The following NSRP1 variants were observed in gnomAD, a reference collection of about 807,000 sequenced individuals.
NSRP1 encodes coiled-coil domain containing 55.
Under a neutral mutation model 54.7 loss-of-function variants are expected in NSRP1, and 24 were observed. The ratio of observed to expected loss-of-function variants is 0.44; its 90% CI spans 0.32 to 0.62. The LOEUF is 0.62. NSRP1 is among the 20% of genes least tolerant of loss of function. The pLI is 0.06. For missense variants in NSRP1, 596 were observed against 651.2 expected, an observed-to-expected ratio of 0.92 and a Z score of 0.92; for synonymous variants, 210 against 213.8, an observed-to-expected ratio of 0.98 and a Z score of 0.15.
chr17:30,119,510 C>T (rs1055421019), intron 2 of NSRP1, among the ~76,000 whole-genome samples: 4 of 151,998 alleles, frequency 2.6e-5, no homozygotes, highest in African/African-American at 7.2e-5. Flanking sequence ...CATGCCCAGC[C>T]TCTTTTTTTT....
At chr17:30,162,864 A>G (rs1417820788) in intron 2 of NSRP1, among the ~76,000 whole-genome samples, 2 of 151,994 alleles carry the variant, frequency 1.3e-5, no homozygotes, top group Non-Finnish European at 2.9e-5. Context: ...GTGAAGGAGT[A>G]CCAATAATAC....
chr17:30,175,663 C>T (rs541364305), intron 3 of NSRP1, among the ~76,000 whole-genome samples: 3 of 152,212 alleles, frequency 2.0e-5, no homozygotes, highest in East Asian at 1.9e-4. Flanking sequence ...TCTTCGCCCC[C>T]CAAAGTGTTG....
chr17:30,121,750 A>G (rs1031532401), intron 2 of NSRP1, among the ~76,000 whole-genome samples: 3 of 151,910 alleles, frequency 2.0e-5, no homozygotes, highest in South Asian at 2.1e-4. Flanking sequence ...TTGTATTTTT[A>G]GTAGAGACGG....
chr17:30,124,746 C>T (rs532779831), intron 2 of NSRP1, among the ~76,000 whole-genome samples: 3 of 152,246 alleles, frequency 2.0e-5, no homozygotes, highest in African/African-American at 7.2e-5. Flanking sequence ...TCCTACCTTC[C>T]GGTCAAAGCC....
chr17:30,132,304 G>C (rs954509427), intron 2 of NSRP1, among the ~76,000 whole-genome samples: 1 of 145,692 alleles, frequency 6.9e-6, no homozygotes, highest in African/African-American at 2.6e-5. Context: ...TATAATCCCA[G>C]CACTTTGGGA....
At chr17:30,161,406 T>C (rs991969148) in intron 2 of NSRP1, among the ~76,000 whole-genome samples, 1 of 152,126 alleles carries the variant, frequency 6.6e-6, no homozygotes, top group Non-Finnish European at 1.5e-5. Context: ...AGCACTATTA[T>C]ATATACTGTT....
intron 3 of NSRP1, among the ~76,000 whole-genome samples, chr17:30,173,227 G>A (rs560131204): frequency 3.0e-4 from 45 of 152,362 alleles, no homozygotes; most frequent in Admixed American, 8.5e-4. Flanking sequence ...GCCTCCTGAA[G>A]TGCTGGGATT....
chr17:30,173,388 C>T (rs143343319), intron 3 of NSRP1, among the ~76,000 whole-genome samples: 1,537 of 152,286 alleles, frequency 0.01, 12 homozygotes, highest in Non-Finnish European at 0.016. Context: ...ATAAAGTGCT[C>T]CTTAAGATCA....
chr17:30,184,814 A>G lies in NSRP1; in HGVS notation c.817A>G (p.Ile273Val). The change falls in exon 7 of 7, where the codon ATA becomes GTA. Residue 273 changes from isoleucine (I) to valine (V), a missense_variant. By Grantham distance (29) the Ile-to-Val change is conservative. Coordinates refer to ENST00000247026, the MANE Select transcript of NSRP1 (RefSeq NM_032141.4). Reference sequence around the variant, plus strand: ...AGTGAACTGCAGAAGGGAAAAGGTCATAGAGACCCCTGAGAATGACTTCAA... The same window carrying G: ...AGTGAACTGCAGAAGGGAAAAGGTCGTAGAGACCCCTGAGAATGACTTCAA... The part of the protein sequence containing the change: ...TRVNCRREKV[I>V]ETPENDFKHH... 1 of 1,614,100 alleles carries G rather than the reference A, an allele frequency of 6.2e-7. No individual in the cohort carries two copies. The highest frequency in any genetic ancestry group is 1.3e-5 in the African/African-American group (1 of 75,044).
chr17:30,159,662 GTTTA>G (rs1211067130), intron 2 of NSRP1, among the ~76,000 whole-genome samples: 2 of 151,760 alleles, frequency 1.3e-5, no homozygotes, highest in African/African-American at 2.4e-5. Context: ...TTATTTATTT[GTTTA>G]TTTATTTTTT....
chr17:30,180,890 T>G lies in NSRP1; in HGVS notation c.509-18T>G. 6.7e-7 allele frequency: 1 copy of G among 1,481,830 alleles called. No individual in the cohort carries two copies. The highest frequency in any genetic ancestry group is 1.1e-5 in the South Asian group (1 of 88,176). The allele number at this position is 1,481,830 out of a possible 1,614,324, so 91.8% of individuals were successfully genotyped here. ...TGCCTTATTGAATATATTCTAATTT[T>G]TGCTTTCCCTCTGTTAGCATGTTTG... On this transcript the variant is annotated intron_variant, in intron 5 of 6. Coordinates refer to ENST00000247026, the MANE Select transcript of NSRP1 (RefSeq NM_032141.4).
At chr17:30,144,704 C>T (rs1218470590) in intron 2 of NSRP1, 2 of 152,142 alleles carry the variant, frequency 1.3e-5, no homozygotes, top group Non-Finnish European at 1.5e-5. Context: ...ATCTCTTTTA[C>T]AAAGGAAAGA....
chr17:30,171,639 C>T (rs1904937240), intron 2 of NSRP1, among the ~76,000 whole-genome samples: 1 of 151,690 alleles, frequency 6.6e-6, no homozygotes, highest in Non-Finnish European at 1.5e-5. Context: ...ATTGTCTTCC[C>T]TTTCAGACTG....
chr17:30,116,946 C>T lies in NSRP1; in HGVS notation c.20+83C>T. The T allele has an allele frequency of 4.0e-6, 6 of 1,497,718 alleles. No individual in the cohort carries two copies. In the South Asian group the frequency reaches 6.0e-5, roughly 15 times the overall value. The allele number at this position is 1,497,718 out of a possible 1,614,324, so 92.8% of individuals were successfully genotyped here. A position where few individuals can be genotyped will look rare whatever the true frequency, so the allele number is the denominator to read the frequency against. ...CTTTGGCCGAGGAGTTTTAAATGCG[C>T]TGGAAGTGAAGGGACTGTGTCGTCA... On this transcript the variant is annotated intron_variant, in intron 1 of 6. Coordinates refer to ENST00000247026, the MANE Select transcript of NSRP1 (RefSeq NM_032141.4).
At position 30,152,948 on chromosome 17, in the gene NSRP1, G is replaced by A. The variant is rs1318057593; in HGVS notation, c.115-19594G>A. 3.8e-5 allele frequency among the ~76,000 whole-genome samples: 4 copies of A among 104,200 alleles called. No homozygotes were observed. The South Asian group carries it at 1.0e-3, about 26-fold the overall frequency. 68.4% of individuals were successfully genotyped at this position (104,200 alleles called of 152,430 possible). On this transcript the variant is annotated intron_variant, in intron 2 of 6. Transcript: ENST00000247026. ...TTTTGAGACAGAGCCTTGCTCTGTT[G>A]CCCAGGCTGGAGTATAGTGGCATGA...
At chr17:30,151,196 T>A (rs894187290) in intron 2 of NSRP1, among the ~76,000 whole-genome samples, 1 of 152,158 alleles carries the variant, frequency 6.6e-6, no homozygotes, top group Admixed American at 6.6e-5. Context: ...CCTTTGTCCA[T>A]TTTTTAGTTT....
intron 2 of NSRP1, among the ~76,000 whole-genome samples, chr17:30,133,700 G>A (rs866425205): frequency 2.0e-5 from 3 of 152,170 alleles, no homozygotes; most frequent in Admixed American, 6.5e-5. Context: ...AGAATCTGTT[G>A]TTTATTGTAG....
chr17:30,155,018 T>C (rs1485551818), intron 2 of NSRP1, among the ~76,000 whole-genome samples: 1 of 152,206 alleles, frequency 6.6e-6, no homozygotes, highest in African/African-American at 2.4e-5. Flanking sequence ...TTTTTCTGGA[T>C]ATATACTTTT....
chr17:30,145,936 A>G (rs1376812570), intron 2 of NSRP1, among the ~76,000 whole-genome samples: 2 of 152,154 alleles, frequency 1.3e-5, no homozygotes, highest in African/African-American at 2.4e-5. Context: ...TGCAGCCTCG[A>G]TGTACGGGGC....
Sources: allele counts gnomAD v4.1 joint callset (sites outside exome capture counted in the v4.1 genomes callset), GRCh38; gene constraint gnomAD v4.1.1; transcripts MANE v1.5; gene names NCBI Gene and HGNC (gene_info 2026-07-23, HGNC 2026-07-21).